ARHGAP20: variants seen among roughly 807,000 people sequenced by gnomAD.
ARHGAP20 encodes the protein Rho GTPase activating protein 20.
A neutral mutation model predicts 73.7 loss-of-function variants in ARHGAP20; 34 were observed. The observed-to-expected ratio is 0.46, with a 90% CI of 0.35 to 0.61. The LOEUF is 0.61. Among genes scored for constraint, ARHGAP20 ranks in the 20% least tolerant of loss-of-function variants. The pLI, the probability that ARHGAP20 is intolerant of heterozygous loss-of-function variation, is 0.00. For synonymous variants in ARHGAP20, 523 were observed against 518.2 expected (o/e 1.01, Z -0.13); for missense variants, 1,314 against 1,420.9 (o/e 0.92, Z 1.21).
chr11:110,604,504 C>A (rs1948178481), intron 9 of ARHGAP20, among the ~76,000 whole-genome samples: 1 of 151,862 alleles, frequency 6.6e-6, no homozygotes, highest in South Asian at 2.1e-4. Context: ...GACAAGGGAC[C>A]CAGAAAAATA....
chr11:110,583,880 CAA>C lies in ARHGAP20; in HGVS notation c.1416-145_1416-144del, dbSNP rs1355247107. 11 of 598,652 alleles carry C rather than the reference CAA, an allele frequency of 1.8e-5. No individual in the cohort carries two copies. The African/African-American group carries it at 2.1e-4, about 11-fold the overall frequency. 37.1% of individuals were successfully genotyped at this position (598,652 alleles called of 1,614,324 possible). On this transcript the variant is annotated intron_variant, in intron 12 of 14. Coordinates refer to ENST00000683387, the MANE Select transcript of ARHGAP20 (RefSeq NM_001384657.1). Reference sequence around the variant, plus strand: ...GAGTTTCAGTTAACATGGTACCATACAAAGTGAGGACTGCCTGTACAGAAAGA... The same window carrying C: ...GAGTTTCAGTTAACATGGTACCATACAGTGAGGACTGCCTGTACAGAAAGA...
intron 2 of ARHGAP20, among the ~76,000 whole-genome samples, chr11:110,667,488 C>T (rs1949745224): frequency 6.6e-6 from 1 of 152,034 alleles, no homozygotes; most frequent in Non-Finnish European, 1.5e-5. Flanking sequence ...TACTGCTCAC[C>T]GATAATGCAC....
intron 1 of ARHGAP20, chr11:110,711,556 G>T: frequency 7.2e-7 from 1 of 1,396,068 alleles, no homozygotes; most frequent in Non-Finnish European, 9.4e-7. Context: ...GTGGGGGGCA[G>T]TACTCCCCAT....
intron 11 of ARHGAP20, among the ~76,000 whole-genome samples, chr11:110,589,876 T>G (rs753483805): frequency 2.5e-4 from 38 of 152,184 alleles, no homozygotes; most frequent in African/African-American, 7.2e-4. Flanking sequence ...ATCCCAGCTC[T>G]CTGGGAGGCT....
intron 2 of ARHGAP20, among the ~76,000 whole-genome samples, chr11:110,665,579 C>A (rs564514561): frequency 1.1e-4 from 17 of 152,274 alleles, no homozygotes; most frequent in African/African-American, 3.6e-4. Flanking sequence ...AGAAGCTAAA[C>A]AGAGCCCAGC....
chr11:110,691,894 G>C (rs1950249231), intron 1 of ARHGAP20, among the ~76,000 whole-genome samples: 1 of 152,210 alleles, frequency 6.6e-6, no homozygotes, highest in South Asian at 2.1e-4. Context: ...AAACACATGG[G>C]TTAAAAATAG....
rs1430407555 is a variant in ARHGAP20, at chr11:110,577,789, T to C, written c.*1581A>G. On this transcript the variant is annotated 3_prime_UTR_variant, in exon 15 of 15. Coordinates refer to ENST00000683387, the MANE Select transcript of ARHGAP20 (RefSeq NM_001384657.1). ...CAGGGCCATGTCCCCAAGAGGTAGGTAGCACCTATAGCTAATACTGAAATA... is the reference window on the plus strand; with the variant it reads ...CAGGGCCATGTCCCCAAGAGGTAGGCAGCACCTATAGCTAATACTGAAATA... The C allele has an allele frequency of 8.1e-6, 8 of 985,728 alleles. No homozygotes were observed. The highest frequency in any genetic ancestry group is 9.6e-6 in the Non-Finnish European group (8 of 829,922). 61.1% of individuals were successfully genotyped at this position (985,728 alleles called of 1,614,324 possible). A position where few individuals can be genotyped will look rare whatever the true frequency, so the allele number is the denominator to read the frequency against.
chr11:110,580,468 T>C lies in ARHGAP20; in HGVS notation c.2478A>G (p.Gly826=). The C allele has an allele frequency of 6.2e-7, 1 of 1,613,670 alleles. No homozygotes were observed. Reference sequence around the variant, plus strand: ...CATCTGCTGTGTGTGGTGGGGAGTATCCAGATGTATTCACATCAAAGGGCT... The same window carrying C: ...CATCTGCTGTGTGTGGTGGGGAGTACCCAGATGTATTCACATCAAAGGGCT... ...KNQPFDVNTS[G]YSPPHTADAL... The change falls in exon 15 of 15, where the codon GGA becomes GGG. Residue 826 remains glycine, a synonymous_variant. Transcript: ENST00000683387.
At chr11:110,658,402 G>A (rs959934708) in intron 2 of ARHGAP20, among the ~76,000 whole-genome samples, 3 of 152,084 alleles carry the variant, frequency 2.0e-5, no homozygotes, top group South Asian at 2.1e-4. Flanking sequence ...CCTGTGGCTC[G>A]AGAATAATTC....
In ARHGAP20 at chr11:110,619,580, CGTATATGTAGTGATAGA is replaced by C. The variant is rs1948578309; in HGVS notation, c.504-4003_504-3987del. Among the ~76,000 whole-genome samples, 5 of 76,212 alleles carry C rather than the reference CGTATATGTAGTGATAGA, an allele frequency of 6.6e-5. 1 individual carries two copies. In the South Asian group the frequency reaches 2.0e-3, roughly 31 times the overall value. The allele number at this position is 76,212 out of a possible 152,430, so 50.0% of individuals were successfully genotyped here. ...AGTGATAGAGTATATGTAGTGATAG[CGTATATGTAGTGATAGA>C]GTGTATGCAGTGATAGAGTGTATGC... On this transcript the variant is annotated intron_variant, in intron 4 of 14. Coordinates refer to ENST00000683387, the MANE Select transcript of ARHGAP20 (RefSeq NM_001384657.1).
At position 110,611,358 on chromosome 11, in the gene ARHGAP20, T is replaced by G; in HGVS notation, c.659A>C (p.Asp220Ala). 6.4e-7 allele frequency: 1 copy of G among 1,562,752 alleles called. No individual in the cohort carries two copies. Among genetic ancestry groups the G allele is most frequent in the Non-Finnish European group, 8.7e-7 (1 of 1,149,122 alleles). Residue 220 changes from aspartate (D) to alanine (A), a missense_variant, in exon 7 of 15, where the codon GAT (aspartate) becomes GCT (alanine). This residue lies in a region of ARHGAP20 where 443 missense variants were observed against 466.4 expected (regional missense o/e 0.95). Coordinates refer to ENST00000683387, the MANE Select transcript of ARHGAP20 (RefSeq NM_001384657.1). ...YSKTITVMNS[D>A]TANEVINMSL... The stretch of plus-strand genomic sequence containing the variant: ...CATGTTGATAACTTCATTCGCTGTA[T>G]CTGAATTCATTACTGTTATAGTTTT...
intron 1 of ARHGAP20, chr11:110,691,016 T>C (rs771224171): frequency 1.4e-5 from 21 of 1,515,426 alleles, no homozygotes; most frequent in African/African-American, 2.8e-5. Flanking sequence ...GATACTACTA[T>C]CTTTATTTCA....
chr11:110,642,024 G>A (rs764123182), intron 2 of ARHGAP20, among the ~76,000 whole-genome samples: 29 of 152,028 alleles, frequency 1.9e-4, no homozygotes, highest in Non-Finnish European at 3.1e-4. Context: ...AACAGTTTGA[G>A]TTTTCTTGAG....
At chr11:110,586,176 TTAAAG>T in intron 12 of ARHGAP20, 35 bp downstream of exon 12, 3 of 1,061,356 alleles carry the variant, frequency 2.8e-6, no homozygotes, top group Non-Finnish European at 3.9e-6. Flanking sequence ...TAAAATATTT[TTAAAG>T]TATTTTTGAG....
intron 2 of ARHGAP20, among the ~76,000 whole-genome samples, chr11:110,664,706 C>T (rs138684628): frequency 0.027 from 3,426 of 128,152 alleles, 123 homozygotes; most frequent in African/African-American, 0.089. Context: ...CCAGCCTGGG[C>T]GACAGAGTGA....
At chr11:110,631,709 C>G (rs1948863811) in intron 2 of ARHGAP20, among the ~76,000 whole-genome samples, 1 of 152,156 alleles carries the variant, frequency 6.6e-6, no homozygotes, top group African/African-American at 2.4e-5. Context: ...CCCCTGCCCT[C>G]CTTCCCTTCT....
intron 2 of ARHGAP20, among the ~76,000 whole-genome samples, chr11:110,665,213 T>A (rs1949699924): frequency 6.6e-6 from 1 of 152,106 alleles, no homozygotes; most frequent in South Asian, 2.1e-4. Context: ...TAAAACAGTG[T>A]TTTAAAAAGT....
intron 2 of ARHGAP20, among the ~76,000 whole-genome samples, chr11:110,689,740 C>T (rs1012926666): frequency 2.0e-5 from 3 of 151,926 alleles, no homozygotes; most frequent in Non-Finnish European, 4.4e-5. Context: ...CAGCTGGCAC[C>T]GGGGAAAGGC....
At chr11:110,644,267 C>G (rs1949137688) in intron 2 of ARHGAP20, among the ~76,000 whole-genome samples, 1 of 152,168 alleles carries the variant, frequency 6.6e-6, no homozygotes, top group Admixed American at 6.5e-5. Flanking sequence ...TCCTATCAAA[C>G]TGCCAATGTC....
Sources: gnomAD v4.1 joint callset for allele counts (sites outside exome capture counted in the v4.1 genomes callset) on GRCh38, gnomAD v4.1.1 for gene constraint, gnomAD v4.1.1 regional missense constraint, MANE v1.5 for transcripts, NCBI Gene and HGNC (gene_info 2026-07-23, HGNC 2026-07-21) for gene names.